COL15A1: variants seen among roughly 807,000 people sequenced by gnomAD.
COL15A1 encodes collagen alpha-1(XV) chain.
A neutral mutation model predicts 165.9 loss-of-function variants in COL15A1; 111 were observed. The observed-to-expected ratio is 0.67, with a 90% CI of 0.57 to 0.78. COL15A1 has a LOEUF of 0.78. Ranked by LOEUF, COL15A1 falls within the 30% of genes least tolerant of loss-of-function variation. The pLI is 0.00. For missense variants in COL15A1, 1,745 were observed against 1,789.7 expected, an observed-to-expected ratio of 0.98 and a Z score of 0.45; for synonymous variants, 659 against 674.8, an observed-to-expected ratio of 0.98 and a Z score of 0.36.
At position 99,003,350 on chromosome 9, in the gene COL15A1, A is replaced by T. The variant is rs10988531; in HGVS notation, c.1066-103A>T. On this transcript the variant is annotated intron_variant, in intron 7 of 41. Coordinates refer to ENST00000375001, the MANE Select transcript of COL15A1 (RefSeq NM_001855.5). ...AGTCCTTGAGAGAAAGAAGCTACAG[A>T]AATGCAGGTGGCTGGAGAAGGCTAG... 3,431 of 876,342 alleles carry T rather than the reference A, an allele frequency of 3.9e-3. 80 individuals are homozygous for T. The African/African-American group carries it at 0.053, about 14-fold the overall frequency. The allele number at this position is 876,342 out of a possible 1,614,324, so 54.3% of individuals were successfully genotyped here.
chr9:99,046,119 G>C (rs1264204549), intron 26 of COL15A1, among the ~76,000 whole-genome samples: 2 of 152,232 alleles, frequency 1.3e-5, no homozygotes, highest in Non-Finnish European at 2.9e-5. Flanking sequence ...GGGTCAGCAG[G>C]CTGCTGCAGA....
At chr9:99,039,620 A>G (rs995560081) in intron 22 of COL15A1, among the ~76,000 whole-genome samples, 1 of 152,232 alleles carries the variant, frequency 6.6e-6, no homozygotes, top group East Asian at 1.9e-4. Flanking sequence ...CAGCCTGTAG[A>G]ATAAATACTC....
chr9:98,944,489 G>A (rs1407832104), intron 2 of COL15A1, among the ~76,000 whole-genome samples: 1 of 152,236 alleles, frequency 6.6e-6, no homozygotes, highest in Non-Finnish European at 1.5e-5. Flanking sequence ...CACCCGAGAT[G>A]TCTGAGCTGG....
chr9:99,024,725 C>T, intron 14 of COL15A1, 149 bp from the exon 15 acceptor site: 2 of 796,282 alleles, frequency 2.5e-6, no homozygotes, highest in South Asian at 3.8e-5. Context: ...CATGGTCTCA[C>T]TGAGCCTTAT....
At chr9:99,042,424 G>A (rs923671850) in intron 24 of COL15A1, among the ~76,000 whole-genome samples, 5 of 152,184 alleles carry the variant, frequency 3.3e-5, no homozygotes, top group Non-Finnish European at 1.5e-5. Flanking sequence ...GAAGTGGGTA[G>A]TGAAATTGAT....
chr9:99,040,612 T>G, intron 23 of COL15A1, 56 bp downstream of exon 23: 1 of 1,613,996 alleles, frequency 6.2e-7, no homozygotes. Flanking sequence ...ATCATTCTGT[T>G]CCTTCCACCT....
intron 39 of COL15A1, among the ~76,000 whole-genome samples, chr9:99,065,524 A>G (rs1370190607): frequency 6.6e-6 from 1 of 151,778 alleles, no homozygotes; most frequent in Non-Finnish European, 1.5e-5. Context: ...GGTGGGCAGC[A>G]TGCTAAAGCT....
At chr9:99,002,460 A>G (rs1838678162) in intron 7 of COL15A1, among the ~76,000 whole-genome samples, 2 of 152,178 alleles carry the variant, frequency 1.3e-5, no homozygotes, top group Non-Finnish European at 2.9e-5. Flanking sequence ...CTTGCTCTCC[A>G]GGCACTCAAC....
chr9:98,959,226 A>C (rs1248657811), intron 2 of COL15A1, among the ~76,000 whole-genome samples: 4 of 137,128 alleles, frequency 2.9e-5, no homozygotes, highest in African/African-American at 5.6e-5. Context: ...CCCTGTCTCT[A>C]CAAAAAAAAA....
At chr9:99,038,405 T>C (rs1839342023) in intron 21 of COL15A1, among the ~76,000 whole-genome samples, 1 of 152,224 alleles carries the variant, frequency 6.6e-6, no homozygotes. Flanking sequence ...GCATATAATA[T>C]GTATATGTTT....
rs142838918 is a variant in COL15A1 at position 99,062,287 on chromosome 9, C to T, written c.3574C>T (p.Pro1192Ser). 1.4e-4 allele frequency: 226 copies of T among 1,613,378 alleles called. 1 individual carries two copies. In the South Asian group the frequency reaches 2.2e-3, roughly 16 times the overall value. ...IPIPADSPPP[P>S]ALSSNPHQLL... is the part of the protein sequence containing the mutation. ...CATTCCTGCCGACAGCCCTCCACCC[C>T]CTGCGCTTTCCAGCAACGTGAGTAG... Residue 1192 changes from proline (P) to serine (S), a missense_variant, in exon 38 of 42, where the codon CCT (proline) becomes TCT (serine). Pro to Ser is a moderately conservative substitution (Grantham distance 74). Coordinates refer to ENST00000375001, the MANE Select transcript of COL15A1 (RefSeq NM_001855.5).
At chr9:98,991,630 A>G (rs1838432398) in intron 5 of COL15A1, among the ~76,000 whole-genome samples, 1 of 152,116 alleles carries the variant, frequency 6.6e-6, no homozygotes, top group South Asian at 2.1e-4. Flanking sequence ...TGCGTTTACA[A>G]ACCTTGAGCT....
intron 40 of COL15A1, 83 bp from the exon 41 acceptor site, chr9:99,068,467 CAAAAA>C (rs34451429): frequency 2.9e-3 from 771 of 270,488 alleles, no homozygotes; most frequent in Non-Finnish European, 3.3e-3. Flanking sequence ...GAAACTGTGT[CAAAAA>C]AAAAAAAAAA....
chr9:99,004,878 C>T lies in COL15A1; in HGVS notation c.1201-20C>T. ...AGCATCATGGGGCACTGACGCGGTT[C>T]CTGTTGACTTTCTATTCAGGGTCCA... On this transcript the variant is annotated intron_variant, in intron 8 of 41. Coordinates refer to ENST00000375001, the MANE Select transcript of COL15A1 (RefSeq NM_001855.5). The T allele has an allele frequency of 6.2e-7, 1 of 1,613,886 alleles. No homozygotes were observed. Among genetic ancestry groups the T allele is most frequent in the Non-Finnish European group, 8.5e-7 (1 of 1,179,834 alleles).
At chr9:98,989,146 CCCGGTGTGT>C (rs1280031280) in intron 4 of COL15A1, 23 bp from the exon 5 acceptor site, 3 of 1,584,178 alleles carry the variant, frequency 1.9e-6, no homozygotes, top group East Asian at 2.2e-5. Context: ...GCCCGCTCTG[CCCGGTGTGT>C]GGCACAGTTT....
At chr9:99,028,874 C>T (rs1839172344) in intron 16 of COL15A1, among the ~76,000 whole-genome samples, 1 of 152,074 alleles carries the variant, frequency 6.6e-6, no homozygotes, top group African/African-American at 2.4e-5. Flanking sequence ...TAAATGATAC[C>T]TCAAAAAGAA....
rs1200213289 is a variant in COL15A1 at position 99,062,286 on chromosome 9, C to T, written c.3573C>T (p.Pro1191=). 3 of 1,613,390 alleles carry T rather than the reference C, an allele frequency of 1.9e-6. No homozygotes were observed. The highest frequency in any genetic ancestry group is 1.1e-5 in the South Asian group (1 of 91,068). ...LIPIPADSPP[P]PALSSNPHQL... Reference sequence around the variant, plus strand: ...CCATTCCTGCCGACAGCCCTCCACCCCCTGCGCTTTCCAGCAACGTGAGTA... The same window carrying T: ...CCATTCCTGCCGACAGCCCTCCACCTCCTGCGCTTTCCAGCAACGTGAGTA... Residue 1191 remains proline (P), a synonymous_variant, in exon 38 of 42, where the codon CCC becomes CCT. Transcript: ENST00000375001.
rs369599261 is a variant in COL15A1, at chr9:99,040,495, C to T, written c.2476-26C>T. On this transcript the variant is annotated intron_variant, in intron 22 of 41. Coordinates refer to ENST00000375001, the MANE Select transcript of COL15A1 (RefSeq NM_001855.5). ...TCTGGAAATGCCGCTCCTAATCCAG[C>T]GTGCTCTATCTTTGGTGTGTCACAG... 8 of 1,614,034 alleles carry T rather than the reference C, an allele frequency of 5.0e-6. No homozygotes were observed. The African/African-American group carries it at 5.3e-5, about 11-fold the overall frequency.
chr9:98,964,617 A>G (rs903587465), intron 2 of COL15A1, among the ~76,000 whole-genome samples: 3 of 152,320 alleles, frequency 2.0e-5, no homozygotes, highest in Admixed American at 2.0e-4. Flanking sequence ...GGTCCCCACC[A>G]CAGATTCAAA....
Sources: gnomAD v4.1 joint callset for allele counts (sites outside exome capture counted in the v4.1 genomes callset) on GRCh38, gnomAD v4.1.1 for gene constraint, MANE v1.5 for transcripts, NCBI Gene and HGNC (gene_info 2026-07-23, HGNC 2026-07-21) for gene names.